Variants in PSMD7 observed in about 807,000 individuals in gnomAD.
The protein encoded by PSMD7 is proteasome 26S subunit, non-ATPase 7.
Under a neutral mutation model 36.4 loss-of-function variants are expected in PSMD7, and 13 were observed. That is an observed-to-expected ratio of 0.36 (90% CI 0.23 to 0.57). The LOEUF is 0.57. PSMD7 is among the 20% of genes least tolerant of loss of function. The pLI is 0.83. For missense variants in PSMD7, 298 were observed against 393.6 expected (o/e 0.76, Z 2.06); for synonymous variants, 186 against 151.0 (o/e 1.23, Z -1.70).
chr16:74,302,573 A>C (rs1337551856), intron 5 of PSMD7, among the ~76,000 whole-genome samples: 1 of 152,130 alleles, frequency 6.6e-6, no homozygotes, highest in Non-Finnish European at 1.5e-5. Flanking sequence ...ACATAGCAAG[A>C]CACCTACAAA....
chr16:74,302,703 A>G (rs1351148618), intron 5 of PSMD7, among the ~76,000 whole-genome samples: 3 of 152,232 alleles, frequency 2.0e-5, no homozygotes, highest in Non-Finnish European at 4.4e-5. Flanking sequence ...TGATCACACC[A>G]CTGCATTCCA....
chr16:74,305,724 G>C lies in PSMD7; in HGVS notation c.966G>C (p.Glu322Asp). 2 of 1,420,222 alleles carry C rather than the reference G, an allele frequency of 1.4e-6. No individual in the cohort carries two copies. Among genetic ancestry groups the C allele is most frequent in the Non-Finnish European group, 9.3e-7 (1 of 1,080,102 alleles). 88.0% of individuals were successfully genotyped at this position (1,420,222 alleles called of 1,614,324 possible). Residue 322 changes from glutamate to aspartate, a missense_variant, in exon 7 of 7, where the codon GAG (glutamate) becomes GAC (aspartate). Transcript: ENST00000219313. ...KSDVKKEEKK[E>D]KK Reference sequence around the variant, plus strand: ...ATGTAAAGAAAGAGGAGAAAAAGGAGAAAAAGTAAAACATGTATTAAATAG... The same window carrying C: ...ATGTAAAGAAAGAGGAGAAAAAGGACAAAAAGTAAAACATGTATTAAATAG...
chr16:74,302,609 G>A (rs1329090855), intron 5 of PSMD7, among the ~76,000 whole-genome samples: 1 of 152,060 alleles, frequency 6.6e-6, no homozygotes, highest in Non-Finnish European at 1.5e-5. Context: ...CAGGCATGAT[G>A]GTCCATGCCT....
intron 5 of PSMD7, among the ~76,000 whole-genome samples, chr16:74,303,728 CTT>C (rs537691210): frequency 1.2e-4 from 17 of 145,646 alleles, no homozygotes; most frequent in African/African-American, 4.0e-4. Context: ...GAACTATATA[CTT>C]TTTTTTTTTT....
At chr16:74,300,543 T>G (rs2034147745) in intron 2 of PSMD7, 5 of 334,784 alleles carry the variant, frequency 1.5e-5, no homozygotes, top group Non-Finnish European at 2.8e-5. Flanking sequence ...CTAAACTGTT[T>G]AACCACGCTT....
intron 6 of PSMD7, chr16:74,304,703 C>G (rs930006312): frequency 4.4e-6 from 1 of 228,350 alleles, no homozygotes; most frequent in African/African-American, 2.3e-5. Flanking sequence ...TGCAGGCCTG[C>G]ACTCTCCACT....
At position 74,305,281 on chromosome 16, in the gene PSMD7, T is replaced by TATTA. The variant is rs745977776; in HGVS notation, c.531-7_531-4dup. 8.7e-6 allele frequency: 14 copies of TATTA among 1,600,762 alleles called. No homozygotes were observed. The East Asian group carries it at 3.1e-4, about 36-fold the overall frequency. On this transcript the variant is annotated splice_region_variant and splice_polypyrimidine_tract_variant and intron_variant, in intron 6 of 6. Transcript: ENST00000219313. ...TTTCCTGCCCTTTTTAACTGTGGGT[T>TATTA]ATTACAGAGATATCAAAGACACGAC...
intron 5 of PSMD7, among the ~76,000 whole-genome samples, chr16:74,303,286 C>T (rs761186710): frequency 5.3e-5 from 8 of 152,192 alleles, no homozygotes; most frequent in Non-Finnish European, 1.2e-4. Context: ...TCACGGCTAA[C>T]TTTTATAGTA....
intron 4 of PSMD7, 34 bp downstream of exon 4, chr16:74,301,686 A>G: frequency 1.3e-6 from 2 of 1,561,902 alleles, no homozygotes; most frequent in Admixed American, 1.7e-5. Flanking sequence ...CTCTTGAATG[A>G]TTTTTTTTGC....
In PSMD7 at chr16:74,301,116, C is replaced by T. The variant is rs2034151929; in HGVS notation, c.231C>T (p.Asn77=). 6.2e-7 allele frequency: 1 copy of T among 1,611,130 alleles called. No individual in the cohort carries two copies. The highest frequency in any genetic ancestry group is 8.5e-7 in the Non-Finnish European group (1 of 1,177,804). The change falls in exon 3 of 7, where the codon AAC becomes AAT. Residue 77 remains asparagine (N), a synonymous_variant. Transcript: ENST00000219313. ...TTTTAGACCATGATTATTTGGAAAA[C>T]ATGTATGGAATGTTTAAGAAAGTCA... ...VWFLDHDYLE[N]MYGMFKKVNA... is the part of the protein sequence containing the mutation.
In PSMD7 at chr16:74,303,693, T is replaced by C. The variant is rs895217176; in HGVS notation, c.439-610T>C. 9.8e-5 allele frequency among the ~76,000 whole-genome samples: 15 copies of C among 152,300 alleles called. No homozygotes were observed. The East Asian group carries it at 2.7e-3, about 27-fold the overall frequency. On this transcript the variant is annotated intron_variant, in intron 5 of 6. Coordinates refer to ENST00000219313, the MANE Select transcript of PSMD7 (RefSeq NM_002811.5). ...GCATGAACTTGCTTCAGTACAGATA[T>C]TCTGTATATTGTCCATTCTAGAAAG...
intron 2 of PSMD7, 71 bp from the exon 3 acceptor site, chr16:74,300,981 G>A (rs980429071): frequency 1.1e-6 from 1 of 921,678 alleles, no homozygotes. Context: ...CTGGCCTAGG[G>A]GTCTTCAATT....
At chr16:74,302,735 C>T (rs1431069627) in intron 5 of PSMD7, among the ~76,000 whole-genome samples, 1 of 152,202 alleles carries the variant, frequency 6.6e-6, no homozygotes, top group Non-Finnish European at 1.5e-5. Flanking sequence ...AGTTGAGACG[C>T]TGTCCCCCAA....
At position 74,305,696 on chromosome 16, in the gene PSMD7, G is replaced by A. The variant is rs745380682; in HGVS notation, c.938G>A (p.Ser313Asn). 4.1e-6 allele frequency: 6 copies of A among 1,477,134 alleles called. No individual in the cohort carries two copies. The highest frequency in any genetic ancestry group is 5.4e-6 in the Non-Finnish European group (6 of 1,110,210). 91.5% of individuals were successfully genotyped at this position (1,477,134 alleles called of 1,614,324 possible). A position where few individuals can be genotyped will look rare whatever the true frequency, so the allele number is the denominator to read the frequency against. The change falls in exon 7 of 7, where the codon AGT (serine) becomes AAT (asparagine). Residue 313 changes from serine to asparagine, a missense_variant. By Grantham distance (46) the Ser-to-Asn change is conservative. Transcript: ENST00000219313. ...GAGAAAGATAAAGATAAGGAAAAGA[G>A]TGATGTAAAGAAAGAGGAGAAAAAG... ...DKEKDKDKEKSDVKKEEKKEK... is the reference protein window; with the variant it reads ...DKEKDKDKEKNDVKKEEKKEK...
Position 74,301,049 on chromosome 16 carries a change from T to C in PSMD7, c.167-3T>C. ...CTAAACTAACTTTTTTTTTCCTCTT[T>C]AGTTCCTTTTGATGAAGATGACAAA... On this transcript the variant is annotated splice_region_variant and splice_polypyrimidine_tract_variant and intron_variant, in intron 2 of 6. Transcript: ENST00000219313. 3 of 1,604,352 alleles carry C rather than the reference T, an allele frequency of 1.9e-6. No individual in the cohort carries two copies. The highest frequency in any genetic ancestry group is 2.6e-6 in the Non-Finnish European group (3 of 1,171,606).
intron 1 of PSMD7, among the ~76,000 whole-genome samples, chr16:74,297,787 T>G (rs1268551935): frequency 6.6e-6 from 1 of 151,824 alleles, no homozygotes; most frequent in Non-Finnish European, 1.5e-5. Flanking sequence ...GGGGCTAGCT[T>G]CAATTTGGCC....
chr16:74,301,144 G>T lies in PSMD7; in HGVS notation c.259G>T (p.Ala87Ser), dbSNP rs2034152114. Reference protein sequence around the residue: ...NMYGMFKKVNARERIVGWYHT... With the variant: ...NMYGMFKKVNSRERIVGWYHT... ...GTATGGAATGTTTAAGAAAGTCAAT[G>T]GTATGTCTTGATGTTCTAAGGTGTT... Residue 87 changes from alanine (A) to serine (S), a missense_variant and splice_region_variant, in exon 3 of 7, where the codon GCC becomes TCC. Ala to Ser is a moderately conservative substitution (Grantham distance 99). Coordinates refer to ENST00000219313, the MANE Select transcript of PSMD7 (RefSeq NM_002811.5). The T allele has an allele frequency of 6.3e-7, 1 of 1,594,006 alleles. No individual in the cohort carries two copies. The highest frequency in any genetic ancestry group is 1.3e-5 in the African/African-American group (1 of 74,638).
intron 3 of PSMD7, 41 bp downstream of exon 3, chr16:74,301,185 A>C: frequency 7.1e-7 from 1 of 1,407,110 alleles, no homozygotes. Flanking sequence ...ATAGAATTGA[A>C]CTGTGTGTAT....
rs745508996 is a variant in PSMD7, at chr16:74,301,164, G to A, written c.259+20G>A. The A allele has an allele frequency of 1.3e-6, 2 of 1,536,014 alleles. No homozygotes were observed. Among genetic ancestry groups the A allele is most frequent in the Admixed American group, 1.7e-5 (1 of 59,306 alleles). ...TCAATGGTATGTCTTGATGTTCTAAGGTGTTACAGCATAGAATTGAACTGT... is the reference window on the plus strand; with the variant it reads ...TCAATGGTATGTCTTGATGTTCTAAAGTGTTACAGCATAGAATTGAACTGT... On this transcript the variant is annotated intron_variant, in intron 3 of 6. Coordinates refer to ENST00000219313, the MANE Select transcript of PSMD7 (RefSeq NM_002811.5).
Sources: gnomAD v4.1 joint callset for allele counts (sites outside exome capture counted in the v4.1 genomes callset) on GRCh38, gnomAD v4.1.1 for gene constraint, MANE v1.5 for transcripts, NCBI Gene and HGNC (gene_info 2026-07-23, HGNC 2026-07-21) for gene names.